Variants in DLGAP2 observed in about 807,000 individuals in gnomAD.
DLGAP2 encodes the protein DLG associated protein 2.
In DLGAP2, 26 loss-of-function variants were observed where a neutral mutation model predicts 100.3. The ratio of observed to expected loss-of-function variants is 0.26; its 90% CI spans 0.19 to 0.36. The LOEUF (loss-of-function observed/expected upper bound fraction) is 0.36, where lower values mean the gene tolerates loss of function less well. Ranked by LOEUF, DLGAP2 falls within the 10% of genes least tolerant of loss-of-function variation. The pLI is 1.00. For missense variants in DLGAP2, 1,858 were observed against 1,453.2 expected (o/e 1.28, Z -4.53); for synonymous variants, 886 against 630.1 (o/e 1.41, Z -6.08).
intron 2 of DLGAP2, among the ~76,000 whole-genome samples, chr8:953,458 C>T (rs1041228083): frequency 6.6e-6 from 1 of 152,216 alleles, no homozygotes; most frequent in Non-Finnish European, 1.5e-5. Flanking sequence ...TCCCAAAGTG[C>T]TGGGATTACA....
chr8:856,716 A>G (rs1797285387), intron 1 of DLGAP2, among the ~76,000 whole-genome samples: 1 of 152,252 alleles, frequency 6.6e-6, no homozygotes, highest in South Asian at 2.1e-4. Flanking sequence ...CTCTGTTGAA[A>G]GAAATGAAAG....
chr8:1,218,657 T>C (rs1798258836), intron 2 of DLGAP2, among the ~76,000 whole-genome samples: 1 of 152,106 alleles, frequency 6.6e-6, no homozygotes, highest in African/African-American at 2.4e-5. Flanking sequence ...ATAGTTCTAA[T>C]TATATGGAAA....
chr8:1,545,205 G>A (rs1801493485), intron 4 of DLGAP2, among the ~76,000 whole-genome samples: 3 of 152,108 alleles, frequency 2.0e-5, no homozygotes, highest in Admixed American at 6.5e-5. Flanking sequence ...AGAGGGATCG[G>A]TGTTAATTCT....
intron 3 of DLGAP2, chr8:1,259,823 A>T (rs1475957455): frequency 6.6e-6 from 1 of 152,248 alleles, no homozygotes; most frequent in African/African-American, 2.4e-5. Context: ...GTATAGGGTT[A>T]ACTTGGAACT....
intron 2 of DLGAP2, among the ~76,000 whole-genome samples, chr8:1,242,689 A>G (rs1267576769): frequency 6.6e-6 from 1 of 152,168 alleles, no homozygotes; most frequent in Non-Finnish European, 1.5e-5. Context: ...CTTAATGGTA[A>G]GGGACCCACA....
Position 1,443,092 on chromosome 8 carries a change from A to C in DLGAP2, c.107-58274A>C, listed in dbSNP as rs116912253. Among the ~76,000 whole-genome samples the C allele has an allele frequency of 4.6e-5, 7 of 152,328 alleles. No homozygotes were observed. In the East Asian group the frequency reaches 1.3e-3, roughly 29 times the overall value. ...GTTACATTATCATTTTAATACTGCA[A>C]ATACATGGAAAGTATGTAGTTAAAA... On this transcript the variant is annotated intron_variant, in intron 3 of 14. Coordinates refer to ENST00000637795, the MANE Select transcript of DLGAP2 (RefSeq NM_001346810.2).
chr8:1,214,667 T>G (rs57671352), intron 2 of DLGAP2, among the ~76,000 whole-genome samples: 7,438 of 152,316 alleles, frequency 0.049, 574 homozygotes, highest in African/African-American at 0.16. Flanking sequence ...TGAGGTCCTT[T>G]TTAACAAGGA....
chr8:806,074 C>G (rs978795652), intron 1 of DLGAP2, among the ~76,000 whole-genome samples: 2 of 152,118 alleles, frequency 1.3e-5, no homozygotes, highest in African/African-American at 4.8e-5. Flanking sequence ...GTTTGGAAAC[C>G]ACATGGAAAA....
At chr8:1,004,257 C>T (rs1015899091) in intron 2 of DLGAP2, among the ~76,000 whole-genome samples, 4 of 152,218 alleles carry the variant, frequency 2.6e-5, no homozygotes, top group Admixed American at 6.5e-5. Flanking sequence ...CTAGGGACCA[C>T]ACATATTTAT....
chr8:1,338,109 G>T (rs988792530), intron 3 of DLGAP2, among the ~76,000 whole-genome samples: 1 of 152,248 alleles, frequency 6.6e-6, no homozygotes, highest in Non-Finnish European at 1.5e-5. Flanking sequence ...GTGCAGCCAT[G>T]TGGTTTAGTT....
chr8:1,220,592 G>A (rs899571038), intron 2 of DLGAP2, among the ~76,000 whole-genome samples: 1 of 151,988 alleles, frequency 6.6e-6, no homozygotes, highest in Non-Finnish European at 1.5e-5. Context: ...GTTGGGGAGA[G>A]TATTCTGTAG....
rs534720312 is a variant in DLGAP2 at position 1,635,551 on chromosome 8, T to C, written c.1810+2505T>C. On this transcript the variant is annotated intron_variant, in intron 8 of 14. Coordinates refer to ENST00000637795, the MANE Select transcript of DLGAP2 (RefSeq NM_001346810.2). Reference sequence around the variant, plus strand: ...GAGAGAGGTTATTTTGACAGATTGATTTTCTTTTATGATTTTCTGTCTAAA... The same window carrying C: ...GAGAGAGGTTATTTTGACAGATTGACTTTCTTTTATGATTTTCTGTCTAAA... 2.0e-3 allele frequency among the ~76,000 whole-genome samples: 311 copies of C among 152,330 alleles called. 1 individual carries two copies. The highest frequency in any genetic ancestry group is 6.9e-3 in the African/African-American group (286 of 41,568).
chr8:1,417,695 C>T lies in DLGAP2; in HGVS notation c.107-83671C>T, dbSNP rs1473583212. ...CGAGGCTCCAGGGGGGCACAGGGGG[C>T]CCCACTCCTGCCTCACTCGGCGAGG... On this transcript the variant is annotated intron_variant, in intron 3 of 14. Transcript: ENST00000637795. Among the ~76,000 whole-genome samples the T allele has an allele frequency of 6.9e-5, 10 of 144,504 alleles. 2 individuals are homozygous for T. The highest frequency in any genetic ancestry group is 1.6e-4 in the African/African-American group (6 of 37,342). The allele number at this position is 144,504 out of a possible 152,430, so 94.8% of individuals were successfully genotyped here.
In DLGAP2 at chr8:1,678,499, T is replaced by C; in HGVS notation, c.2574T>C (p.Thr858=). 2 of 1,612,282 alleles carry C rather than the reference T, an allele frequency of 1.2e-6. No individual in the cohort carries two copies. Among genetic ancestry groups the C allele is most frequent in the Non-Finnish European group, 1.7e-6 (2 of 1,179,200 alleles). ...AGCCCGCCATCGACACGGTAGAGAC[T>C]GGGAGGATGTCTCCGTGCCGCAGGG... ...WLEPAIDTVE[T]GRMSPCRRDG... The change falls in exon 12 of 15, where the codon ACT becomes ACC. Residue 858 remains threonine (T), a synonymous_variant. Transcript: ENST00000637795.
At chr8:1,205,084 G>C (rs1344981262) in intron 2 of DLGAP2, among the ~76,000 whole-genome samples, 1 of 152,188 alleles carries the variant, frequency 6.6e-6, no homozygotes, top group African/African-American at 2.4e-5. Flanking sequence ...TGGGTTTCCT[G>C]TGTTTCCTGT....
At chr8:1,631,576 C>G (rs1797646364) in intron 7 of DLGAP2, among the ~76,000 whole-genome samples, 1 of 152,208 alleles carries the variant, frequency 6.6e-6, no homozygotes, top group Non-Finnish European at 1.5e-5. Flanking sequence ...CTGGGTTTGT[C>G]TGTCTCTGTC....
At chr8:899,704 C>G (rs1798212856) in intron 1 of DLGAP2, among the ~76,000 whole-genome samples, 1 of 152,186 alleles carries the variant, frequency 6.6e-6, no homozygotes, top group Admixed American at 6.5e-5. Context: ...AGAAACAAAC[C>G]TAAGGCAGTT....
intron 2 of DLGAP2, among the ~76,000 whole-genome samples, chr8:1,111,294 C>G (rs1363827031): frequency 6.6e-6 from 1 of 152,174 alleles, no homozygotes; most frequent in African/African-American, 2.4e-5. Context: ...CCGGAAGACC[C>G]AGCACTGTGT....
At chr8:1,466,723 T>C (rs1217535043) in intron 3 of DLGAP2, among the ~76,000 whole-genome samples, 1 of 152,128 alleles carries the variant, frequency 6.6e-6, no homozygotes, top group East Asian at 1.9e-4. Context: ...GCCATGCAGC[T>C]CTCAGTGAGA....
Sources: gnomAD v4.1 joint callset for allele counts (sites outside exome capture counted in the v4.1 genomes callset) on GRCh38, gnomAD v4.1.1 for gene constraint, MANE v1.5 for transcripts, NCBI Gene and HGNC (gene_info 2026-07-23, HGNC 2026-07-21) for gene names.